The following TMEM266 variants were observed in gnomAD, a reference collection of about 807,000 sequenced individuals.
TMEM266 encodes Hv1 related protein 1.
Under a neutral mutation model 50.5 loss-of-function variants are expected in TMEM266, and 33 were observed. The observed-to-expected ratio is 0.65, with a 90% CI of 0.50 to 0.87. The LOEUF is 0.87. Ranked by LOEUF, TMEM266 falls within the 40% of genes least tolerant of loss-of-function variation. The probability of loss-of-function intolerance (pLI) is 0.00; values close to 1 mark genes in which losing one functional copy is unlikely to be tolerated. For synonymous variants in TMEM266, 310 were observed against 292.3 expected (o/e 1.06, Z -0.62); for missense variants, 655 against 695.1 (o/e 0.94, Z 0.65).
chr15:76,186,270 A>T (rs1046456870), intron 8 of TMEM266, among the ~76,000 whole-genome samples: 1 of 152,082 alleles, frequency 6.6e-6, no homozygotes, highest in South Asian at 2.1e-4. Context: ...CATCTGACTC[A>T]TGAGGCCCCA....
At chr15:76,188,914 C>T (rs575426060) in intron 8 of TMEM266, among the ~76,000 whole-genome samples, 32 of 152,270 alleles carry the variant, frequency 2.1e-4, no homozygotes, top group Non-Finnish European at 4.1e-4. Context: ...CAGTGGCTCA[C>T]ACCTGTAATC....
In TMEM266 at chr15:76,203,728, T is replaced by A; in HGVS notation, c.1022-13T>A. Reference sequence around the variant, plus strand: ...AGGTTGAAGTGTGACCAAGATCCCCTCCTACCTTGCAGACAGCGGTGTCCC... The same window carrying A: ...AGGTTGAAGTGTGACCAAGATCCCCACCTACCTTGCAGACAGCGGTGTCCC... On this transcript the variant is annotated splice_polypyrimidine_tract_variant and intron_variant, in intron 10 of 10. Transcript: ENST00000388942. 1 of 1,605,434 alleles carries A rather than the reference T, an allele frequency of 6.2e-7. No individual in the cohort carries two copies. The highest frequency in any genetic ancestry group is 8.5e-7 in the Non-Finnish European group (1 of 1,174,100).
chr15:76,188,022 C>A (rs1043983592), intron 8 of TMEM266, among the ~76,000 whole-genome samples: 11 of 152,112 alleles, frequency 7.2e-5, no homozygotes, highest in Admixed American at 2.0e-4. Context: ...CCATTGTGCA[C>A]ATTTCCCCCA....
At chr15:76,076,268 A>G (rs1336876409) in intron 1 of TMEM266, among the ~76,000 whole-genome samples, 1 of 152,038 alleles carries the variant, frequency 6.6e-6, no homozygotes, top group Admixed American at 6.5e-5. Context: ...GTTACCAGTT[A>G]TATAAGAAAA....
intron 1 of TMEM266, among the ~76,000 whole-genome samples, chr15:76,069,846 C>A (rs1323578264): frequency 6.6e-6 from 1 of 151,764 alleles, no homozygotes; most frequent in Non-Finnish European, 1.5e-5. Flanking sequence ...AGAAACCTAC[C>A]CTGAGAAACT....
At position 76,153,550 on chromosome 15, in the gene TMEM266, A is replaced by G. The variant is rs535621377; in HGVS notation, c.228-3054A>G. On this transcript the variant is annotated intron_variant, in intron 3 of 10. Coordinates refer to ENST00000388942, the MANE Select transcript of TMEM266 (RefSeq NM_152335.3). This position sits in a 1 kb window ranked among gnomAD's most constrained non-coding sequence, Gnocchi z 4.2. ...TAATGGGCATTGGGGAGAATGTGGAATTGGAGCCAGGTGTCCTTGGGCCCT... is the reference window on the plus strand; with the variant it reads ...TAATGGGCATTGGGGAGAATGTGGAGTTGGAGCCAGGTGTCCTTGGGCCCT... 1.3e-3 allele frequency among the ~76,000 whole-genome samples: 198 copies of G among 152,322 alleles called. No homozygotes were observed. The highest frequency in any genetic ancestry group is 4.7e-3 in the African/African-American group (195 of 41,570).
At chr15:76,095,546 T>G (rs150546477) in intron 1 of TMEM266, among the ~76,000 whole-genome samples, 34,542 of 151,840 alleles carry the variant, frequency 0.23, 4,516 homozygotes, top group Non-Finnish European at 0.27. Context: ...TCGCATCGAT[T>G]GTCATCAGGG....
rs2037873682 is a variant in TMEM266, at chr15:76,153,414, A to C, written c.228-3190A>C. ...GACGAGGCTTCCTGCTGGCCAGCCC[A>C]GGCAGATGGCCCTGGCAGCTGCCCT... On this transcript the variant is annotated intron_variant, in intron 3 of 10. Transcript: ENST00000388942. This position sits in a 1 kb window ranked among gnomAD's most constrained non-coding sequence, Gnocchi z 4.2. Among the ~76,000 whole-genome samples the C allele has an allele frequency of 6.6e-6, 1 of 152,146 alleles. No individual in the cohort carries two copies. Among genetic ancestry groups the C allele is most frequent in the Non-Finnish European group, 1.5e-5 (1 of 68,046 alleles).
intron 8 of TMEM266, 198 bp downstream of exon 8, chr15:76,175,872 T>G: frequency 1.9e-6 from 1 of 521,516 alleles, no homozygotes; most frequent in South Asian, 2.1e-5. Flanking sequence ...CAGCCAGGCA[T>G]GGACTCAACC....
intron 7 of TMEM266, among the ~76,000 whole-genome samples, chr15:76,173,939 A>C (rs1277163464): frequency 7.4e-5 from 11 of 149,318 alleles, no homozygotes; most frequent in Non-Finnish European, 1.3e-4. Context: ...TCTCAAAAAA[A>C]AATAAAAAAA....
rs78345122 is a variant in TMEM266, at chr15:76,136,727, C to T, written c.39-980C>T. Among the ~76,000 whole-genome samples the T allele has an allele frequency of 6.3e-3, 958 of 152,262 alleles. 9 individuals carry two copies. Among genetic ancestry groups the T allele is most frequent in the African/African-American group, 0.022 (921 of 41,536 alleles). ...CATACTGGATGGACCGAAGATGGTG[C>T]CCCAGGAAGCTAAGGGGAAGTTTTC... On this transcript the variant is annotated intron_variant, in intron 2 of 10. Coordinates refer to ENST00000388942, the MANE Select transcript of TMEM266 (RefSeq NM_152335.3).
At chr15:76,124,540 T>G (rs1269065993) in intron 1 of TMEM266, among the ~76,000 whole-genome samples, 1 of 152,180 alleles carries the variant, frequency 6.6e-6, no homozygotes, top group Admixed American at 6.5e-5. Context: ...GTCTTGAACC[T>G]GTAATCCAGG....
intron 8 of TMEM266, chr15:76,178,892 G>C (rs2469558): frequency 0.26 from 40,025 of 152,198 alleles, 5,519 homozygotes; most frequent in East Asian, 0.51. Context: ...ACTCCCAGTG[G>C]GGCCACCGGG....
intron 3 of TMEM266, among the ~76,000 whole-genome samples, chr15:76,155,846 A>G (rs2037915798): frequency 6.6e-6 from 1 of 152,214 alleles, no homozygotes; most frequent in South Asian, 2.1e-4. Flanking sequence ...AAATCCATTC[A>G]GTGACTCATC....
At chr15:76,066,115 A>G (rs1210658591) in intron 1 of TMEM266, among the ~76,000 whole-genome samples, 2 of 152,238 alleles carry the variant, frequency 1.3e-5, no homozygotes, top group South Asian at 2.1e-4. Context: ...CTTCCTCAGC[A>G]TTTAGCACTA....
chr15:76,071,533 C>T (rs1007827712), intron 1 of TMEM266, among the ~76,000 whole-genome samples: 2 of 152,176 alleles, frequency 1.3e-5, no homozygotes, highest in Non-Finnish European at 2.9e-5. Context: ...AGCACCTCTC[C>T]ATTTGGTGCC....
At chr15:76,071,958 AT>A (rs1283879684) in intron 1 of TMEM266, among the ~76,000 whole-genome samples, 2 of 152,110 alleles carry the variant, frequency 1.3e-5, no homozygotes, top group Non-Finnish European at 2.9e-5. Flanking sequence ...GGTTCTTGAA[AT>A]TATGAGTAAC....
At chr15:76,127,655 G>GGT (rs1391601860) in intron 1 of TMEM266, among the ~76,000 whole-genome samples, 3 of 152,062 alleles carry the variant, frequency 2.0e-5, no homozygotes, top group Non-Finnish European at 2.9e-5. Flanking sequence ...GTCACTGCTA[G>GGT]GTATACTGTT....
chr15:76,141,245 T>G (rs879878269), intron 3 of TMEM266, among the ~76,000 whole-genome samples: 3,406 of 151,790 alleles, frequency 0.022, 57 homozygotes, highest in Non-Finnish European at 0.036. Context: ...ACTTTTTTTT[T>G]TTTTTTTTGA....
Sources: allele counts gnomAD v4.1 joint callset (sites outside exome capture counted in the v4.1 genomes callset), GRCh38; gene constraint gnomAD v4.1.1; non-coding constraint Gnocchi (gnomAD v3.1); transcripts MANE v1.5; gene names NCBI Gene and HGNC (gene_info 2026-07-23, HGNC 2026-07-21).